ROBO2: variants seen among roughly 807,000 people sequenced by gnomAD.
The protein encoded by ROBO2 is roundabout homolog 2.
ROBO2 carries 53 observed loss-of-function variants against 160.8 expected under a neutral mutation model. The observed-to-expected ratio is 0.33, with a 90% CI of 0.26 to 0.41. The LOEUF (loss-of-function observed/expected upper bound fraction) is 0.41, where lower values mean the gene tolerates loss of function less well. Ranked by LOEUF, ROBO2 falls within the 10% of genes least tolerant of loss-of-function variation. The probability of loss-of-function intolerance (pLI) is 1.00; values close to 1 mark genes in which losing one functional copy is unlikely to be tolerated. For missense variants in ROBO2, 1,577 were observed against 1,722.4 expected, an observed-to-expected ratio of 0.92 and a Z score of 1.49; for synonymous variants, 664 against 611.7, an observed-to-expected ratio of 1.09 and a Z score of -1.26.
intron 2 of ROBO2, among the ~76,000 whole-genome samples, chr3:76,960,432 T>C (rs1373631963): frequency 6.7e-6 from 1 of 149,328 alleles, no homozygotes; most frequent in Non-Finnish European, 1.5e-5. Flanking sequence ...TAAAAATGTA[T>C]GTGCATATAT....
intron 2 of ROBO2, among the ~76,000 whole-genome samples, chr3:77,384,274 A>T (rs1401004611): frequency 6.6e-6 from 1 of 152,148 alleles, no homozygotes; most frequent in Non-Finnish European, 1.5e-5. Context: ...CCTTTCCTAG[A>T]TGCTCTGATT....
At chr3:76,816,377 G>A (rs1286410971) in intron 2 of ROBO2, among the ~76,000 whole-genome samples, 5 of 151,998 alleles carry the variant, frequency 3.3e-5, no homozygotes, top group Admixed American at 2.6e-4. Context: ...TGCGGTATTC[G>A]ATAGGAAGAG....
intron 21 of ROBO2, among the ~76,000 whole-genome samples, chr3:77,616,840 A>T (rs1340081028): frequency 6.6e-6 from 1 of 152,280 alleles, no homozygotes; most frequent in Non-Finnish European, 1.5e-5. Flanking sequence ...TATACTCAAA[A>T]TTTTTTAAAA....
chr3:77,073,593 G>C (rs1474900991), intron 1 of ROBO2, among the ~76,000 whole-genome samples: 1 of 152,176 alleles, frequency 6.6e-6, no homozygotes, highest in Non-Finnish European at 1.5e-5. Flanking sequence ...TCAAAGGGTT[G>C]CTGTTAACCA....
At chr3:76,229,634 TA>T (rs1401778687) in intron 2 of ROBO2, among the ~76,000 whole-genome samples, 2 of 152,190 alleles carry the variant, frequency 1.3e-5, no homozygotes, top group Non-Finnish European at 2.9e-5. Flanking sequence ...TCCCTTTCTC[TA>T]TATTCACATC....
chr3:77,527,135 C>T (rs1055140433), intron 6 of ROBO2, among the ~76,000 whole-genome samples: 43 of 151,342 alleles, frequency 2.8e-4, no homozygotes, highest in African/African-American at 9.7e-4. Flanking sequence ...ATAATAACTG[C>T]AGTAAGTGAT....
At chr3:76,309,358 C>A (rs532655006) in intron 2 of ROBO2, among the ~76,000 whole-genome samples, 64 of 152,186 alleles carry the variant, frequency 4.2e-4, no homozygotes, top group Non-Finnish European at 8.4e-4. Context: ...TTTCCTTCCT[C>A]ACACAGAAGT....
chr3:76,703,110 A>G (rs2093081839), intron 2 of ROBO2, among the ~76,000 whole-genome samples: 1 of 152,136 alleles, frequency 6.6e-6, no homozygotes, highest in Non-Finnish European at 1.5e-5. Flanking sequence ...TTCAGTATAT[A>G]TCCAGACAAA....
chr3:77,129,991 A>C (rs904520085), intron 2 of ROBO2, among the ~76,000 whole-genome samples: 1 of 152,156 alleles, frequency 6.6e-6, no homozygotes, highest in Admixed American at 6.5e-5. Context: ...GAATAAGAGA[A>C]GACAACGCTT....
chr3:77,609,441 G>A (rs1175019331), intron 21 of ROBO2, among the ~76,000 whole-genome samples: 2 of 152,002 alleles, frequency 1.3e-5, no homozygotes, highest in Non-Finnish European at 2.9e-5. Context: ...CTACAGACAT[G>A]GGGACTTGTA....
chr3:76,293,804 A>G (rs1708928217), intron 2 of ROBO2, among the ~76,000 whole-genome samples: 1 of 152,228 alleles, frequency 6.6e-6, no homozygotes, highest in Admixed American at 6.5e-5. Context: ...TTGAGACTAT[A>G]ACCGTTCTAT....
chr3:77,389,811 T>C (rs2074527887), intron 2 of ROBO2, among the ~76,000 whole-genome samples: 1 of 152,082 alleles, frequency 6.6e-6, no homozygotes, highest in Non-Finnish European at 1.5e-5. Context: ...ACCCACTTTG[T>C]ATTCATTTAG....
chr3:76,179,705 G>T (rs1701408598), intron 2 of ROBO2, among the ~76,000 whole-genome samples: 1 of 152,038 alleles, frequency 6.6e-6, no homozygotes, highest in Non-Finnish European at 1.5e-5. Context: ...GCCTAGATCT[G>T]ATTTAGGCAT....
At chr3:76,546,579 A>G (rs1423624824) in intron 2 of ROBO2, among the ~76,000 whole-genome samples, 4 of 151,960 alleles carry the variant, frequency 2.6e-5, no homozygotes, top group African/African-American at 9.7e-5. Flanking sequence ...TGGCAATGTG[A>G]CAAAGATTAC....
chr3:76,428,836 T>C (rs1309424553), intron 2 of ROBO2, among the ~76,000 whole-genome samples: 2 of 152,146 alleles, frequency 1.3e-5, no homozygotes, highest in Non-Finnish European at 2.9e-5. Flanking sequence ...TCCTCGACCT[T>C]ACTTAACCCT....
chr3:75,954,983 G>T (rs1417180620), intron 2 of ROBO2, among the ~76,000 whole-genome samples: 1 of 151,818 alleles, frequency 6.6e-6, no homozygotes, highest in Non-Finnish European at 1.5e-5. Flanking sequence ...AAAAATTAAA[G>T]AAGCATAGAA....
intron 2 of ROBO2, among the ~76,000 whole-genome samples, chr3:77,248,904 G>A (rs1261723732): frequency 1.3e-5 from 2 of 151,954 alleles, no homozygotes; most frequent in Non-Finnish European, 2.9e-5. Flanking sequence ...TTAAGACAGG[G>A]TGTCAGTCTG....
chr3:77,465,820 A>C (rs943194746), intron 2 of ROBO2, among the ~76,000 whole-genome samples: 2 of 152,228 alleles, frequency 1.3e-5, no homozygotes, highest in African/African-American at 4.8e-5. Context: ...TGTGCTTTTC[A>C]TAAGTAAACA....
At chr3:77,154,726 A>C (rs2077839916) in intron 2 of ROBO2, among the ~76,000 whole-genome samples, 1 of 152,050 alleles carries the variant, frequency 6.6e-6, no homozygotes, top group Admixed American at 6.6e-5. Context: ...AGCAACATGG[A>C]TGCAGCTAGA....
Sources: allele counts gnomAD v4.1 joint callset (sites outside exome capture counted in the v4.1 genomes callset), GRCh38; gene constraint gnomAD v4.1.1; transcripts MANE v1.5; gene names NCBI Gene and HGNC (gene_info 2026-07-23, HGNC 2026-07-21).